AKAP6: variants seen among roughly 807,000 people sequenced by gnomAD.
AKAP6 encodes A-kinase anchor protein 6.
AKAP6 carries 58 observed loss-of-function variants against 188.5 expected under a neutral mutation model. The ratio of observed to expected loss-of-function variants is 0.31; its 90% confidence interval spans 0.25 to 0.38. AKAP6 has a LOEUF of 0.38. Among genes scored for constraint, AKAP6 ranks in the 10% least tolerant of loss-of-function variants. AKAP6 has a pLI of 1.00. For missense variants in AKAP6, 2,710 were observed against 2,740.0 expected, an observed-to-expected ratio of 0.99 and a Z score of 0.24; for synonymous variants, 989 against 998.6, an observed-to-expected ratio of 0.99 and a Z score of 0.18.
At chr14:32,517,992 G>A (rs935569482) in intron 2 of AKAP6, among the ~76,000 whole-genome samples, 1 of 152,306 alleles carries the variant, frequency 6.6e-6, no homozygotes. Context: ...CCTCTGAGAC[G>A]AAGCTTCCAG....
intron 1 of AKAP6, among the ~76,000 whole-genome samples, chr14:32,409,310 G>C (rs1405540342): frequency 6.6e-6 from 1 of 152,230 alleles, no homozygotes; most frequent in Non-Finnish European, 1.5e-5. Flanking sequence ...AAGGGAGTTA[G>C]ATACAGGCTT....
intron 1 of AKAP6, among the ~76,000 whole-genome samples, chr14:32,414,040 G>T (rs574259523): frequency 6.6e-6 from 1 of 151,838 alleles, no homozygotes; most frequent in Non-Finnish European, 1.5e-5. Context: ...GTTGAAATTA[G>T]ATGGTAAATA....
At chr14:32,457,349 G>T (rs1891179987) in intron 2 of AKAP6, among the ~76,000 whole-genome samples, 1 of 152,104 alleles carries the variant, frequency 6.6e-6, no homozygotes, top group Admixed American at 6.5e-5. Context: ...TGAGGATTCT[G>T]AACCCTATTA....
intron 2 of AKAP6, among the ~76,000 whole-genome samples, chr14:32,463,425 T>G (rs1349728893): frequency 6.6e-6 from 1 of 152,190 alleles, no homozygotes; most frequent in Non-Finnish European, 1.5e-5. Flanking sequence ...GAAATCAAAT[T>G]AGAGCTCAGG....
At chr14:32,798,130 A>C (rs1323496811) in intron 12 of AKAP6, among the ~76,000 whole-genome samples, 2 of 152,184 alleles carry the variant, frequency 1.3e-5, no homozygotes, top group Non-Finnish European at 2.9e-5. Flanking sequence ...GCAGCCAACA[A>C]ACATATGAAA....
At chr14:32,497,168 C>T (rs1880363232) in intron 2 of AKAP6, among the ~76,000 whole-genome samples, 1 of 152,092 alleles carries the variant, frequency 6.6e-6, no homozygotes, top group Non-Finnish European at 1.5e-5. Context: ...GTTAGGGTCT[C>T]TCTATGCATA....
chr14:32,649,060 G>C (rs867203351), intron 7 of AKAP6, among the ~76,000 whole-genome samples: 1 of 152,032 alleles, frequency 6.6e-6, no homozygotes, highest in South Asian at 2.1e-4. Context: ...TTTTCTGCTT[G>C]AGCAGCAGAA....
At chr14:32,698,083 GTAGGGTCTTTCTT>G (rs1890476022) in intron 9 of AKAP6, among the ~76,000 whole-genome samples, 1 of 152,132 alleles carries the variant, frequency 6.6e-6, no homozygotes, top group South Asian at 2.1e-4. Flanking sequence ...CTGCTAGTCT[GTAGGGTCTTTCTT>G]TATGTGCACT....
chr14:32,526,405 G>A (rs1023959087), intron 2 of AKAP6, among the ~76,000 whole-genome samples: 4 of 152,006 alleles, frequency 2.6e-5, no homozygotes, highest in Non-Finnish European at 5.9e-5. Flanking sequence ...ACTAATTTTT[G>A]TATTTTTAGT....
chr14:32,493,198 CTTTGTTTG>C (rs948425100), intron 2 of AKAP6, among the ~76,000 whole-genome samples: 1 of 151,744 alleles, frequency 6.6e-6, no homozygotes, highest in Non-Finnish European at 1.5e-5. Flanking sequence ...AAGGCACACT[CTTTGTTTG>C]TTTGTTTGTT....
intron 5 of AKAP6, among the ~76,000 whole-genome samples, chr14:32,579,523 T>C (rs1346225420): frequency 6.6e-6 from 1 of 152,142 alleles, no homozygotes; most frequent in Admixed American, 6.6e-5. Flanking sequence ...TAATGAATAA[T>C]AATGTCTAAC....
intron 1 of AKAP6, among the ~76,000 whole-genome samples, chr14:32,374,964 T>C (rs1254414593): frequency 3.9e-5 from 6 of 152,184 alleles, no homozygotes; most frequent in Non-Finnish European, 4.4e-5. Flanking sequence ...AATAAGATAA[T>C]CAATTTTGTA....
intron 2 of AKAP6, among the ~76,000 whole-genome samples, chr14:32,513,940 AT>A (rs150105072): frequency 5.3e-5 from 8 of 151,690 alleles, no homozygotes; most frequent in African/African-American, 1.2e-4. Flanking sequence ...GCATCTGTGC[AT>A]TTTTTTTCAT....
chr14:32,773,085 A>G (rs2032948406), intron 11 of AKAP6, among the ~76,000 whole-genome samples: 1 of 152,190 alleles, frequency 6.6e-6, no homozygotes, highest in Admixed American at 6.5e-5. Context: ...ATAGTGCAGT[A>G]ATAATCCAGT....
rs1183540083 is a variant in AKAP6, at chr14:32,371,163, TA to T, written c.-35+41756del. 2.6e-5 allele frequency among the ~76,000 whole-genome samples: 4 copies of T among 152,312 alleles called. No homozygotes were observed. In the East Asian group the frequency reaches 7.7e-4, roughly 29 times the overall value. On this transcript the variant is annotated intron_variant, in intron 1 of 13. Coordinates refer to ENST00000280979, the MANE Select transcript of AKAP6 (RefSeq NM_004274.5). ...CTGATAAAACATCATAAGTAAGACATATGCACCATAACCCCAACCCCTAGTG... is the reference window on the plus strand; with the variant it reads ...CTGATAAAACATCATAAGTAAGACATTGCACCATAACCCCAACCCCTAGTG...
intron 12 of AKAP6, among the ~76,000 whole-genome samples, chr14:32,812,566 GATA>G (rs1359180582): frequency 7.2e-5 from 11 of 152,130 alleles, no homozygotes; most frequent in African/African-American, 2.7e-4. Flanking sequence ...CAACAGTCAA[GATA>G]ATTTATTTGC....
In AKAP6 at chr14:32,401,839, A is replaced by G. The variant is rs73259215; in HGVS notation, c.-34-31621A>G. On this transcript the variant is annotated intron_variant, in intron 1 of 13. Transcript: ENST00000280979. ...GGTGGAAAGAATTGTAGCAGGAATC[A>G]AGCCTCATGATGCAAATGCCTAAAT... Among the ~76,000 whole-genome samples the G allele has an allele frequency of 1.9e-3, 290 of 152,326 alleles. 3 individuals are homozygous for G. The highest frequency in any genetic ancestry group is 6.2e-3 in the African/African-American group (257 of 41,570).
intron 1 of AKAP6, among the ~76,000 whole-genome samples, chr14:32,414,770 C>T (rs1218733035): frequency 2.0e-5 from 3 of 152,080 alleles, no homozygotes; most frequent in Admixed American, 1.3e-4. Flanking sequence ...CACTTTATAG[C>T]CAAGTTTAAA....
intron 7 of AKAP6, among the ~76,000 whole-genome samples, chr14:32,650,680 A>G (rs1200478179): frequency 6.6e-6 from 1 of 152,106 alleles, no homozygotes; most frequent in Non-Finnish European, 1.5e-5. Flanking sequence ...TAAAAAAGAA[A>G]AGTAAACCAA....
Sources: allele counts gnomAD v4.1 joint callset (sites outside exome capture counted in the v4.1 genomes callset), GRCh38; gene constraint gnomAD v4.1.1; transcripts MANE v1.5; gene names NCBI Gene and HGNC (gene_info 2026-07-23, HGNC 2026-07-21).